SNX14: variants seen among roughly 807,000 people sequenced by gnomAD.
SNX14 encodes the protein sorting nexin-14.
A neutral mutation model predicts 133.8 loss-of-function variants in SNX14; 93 were observed. The ratio of observed to expected loss-of-function variants is 0.70; its 90% CI spans 0.59 to 0.83. The LOEUF (loss-of-function observed/expected upper bound fraction) is 0.83. Among genes scored for constraint, SNX14 ranks in the 40% least tolerant of loss-of-function variants. The pLI is 0.00. For missense variants in SNX14, 945 were observed against 1,094.9 expected (o/e 0.86, Z 1.93); for synonymous variants, 368 against 365.6 (o/e 1.01, Z -0.07).
intron 13 of SNX14, 56 bp downstream of exon 13, chr6:85,543,549 T>G (rs183948921): frequency 7.1e-7 from 1 of 1,414,290 alleles, no homozygotes; most frequent in African/African-American, 1.5e-5. Flanking sequence ...AAACAGAAAA[T>G]AAATGGAAAA....
chr6:85,511,627 T>C (rs1426012996), intron 26 of SNX14, among the ~76,000 whole-genome samples: 1 of 152,262 alleles, frequency 6.6e-6, no homozygotes, highest in African/African-American at 2.4e-5. Context: ...TTTTGTCAAA[T>C]GCTTTTTCTG....
At chr6:85,516,287 C>T (rs887893180) in intron 23 of SNX14, among the ~76,000 whole-genome samples, 2 of 152,058 alleles carry the variant, frequency 1.3e-5, no homozygotes, top group African/African-American at 4.8e-5. Context: ...TAATAAACAC[C>T]TTTACATGTT....
intron 1 of SNX14, among the ~76,000 whole-genome samples, chr6:85,577,728 A>G (rs1296135583): frequency 6.6e-6 from 1 of 152,230 alleles, no homozygotes; most frequent in Non-Finnish European, 1.5e-5. Flanking sequence ...GAATCAAGTA[A>G]TTAGAAGAAT....
intron 23 of SNX14, 96 bp from the exon 24 acceptor site, chr6:85,514,725 A>C (rs929364226): frequency 1.3e-5 from 17 of 1,278,232 alleles, no homozygotes; most frequent in Non-Finnish European, 1.8e-5. Flanking sequence ...AAAGGCATTT[A>C]AACTTTTTCC....
At chr6:85,563,350 C>A (rs1440102572) in intron 6 of SNX14, among the ~76,000 whole-genome samples, 1 of 152,088 alleles carries the variant, frequency 6.6e-6, no homozygotes, top group Non-Finnish European at 1.5e-5. Flanking sequence ...TATATATAGG[C>A]AATGATACAA....
chr6:85,592,662 T>C (rs766773422), intron 1 of SNX14, among the ~76,000 whole-genome samples: 22 of 152,110 alleles, frequency 1.4e-4, no homozygotes, highest in Non-Finnish European at 2.8e-4. Context: ...TCAGGTTTTT[T>C]TGGGGAGGGT....
chr6:85,546,679 A>G (rs1222138853), intron 12 of SNX14, among the ~76,000 whole-genome samples: 1 of 152,082 alleles, frequency 6.6e-6, no homozygotes, highest in East Asian at 1.9e-4. Context: ...AATCAAGTAT[A>G]TGGCCGGGCG....
chr6:85,536,648 G>A, intron 17 of SNX14, 144 bp downstream of exon 17: 1 of 670,248 alleles, frequency 1.5e-6, no homozygotes, highest in African/African-American at 1.8e-5. Context: ...AAATACAAAG[G>A]AAGTCTGAAG....
At chr6:85,555,224 C>T (rs940531836) in intron 7 of SNX14, among the ~76,000 whole-genome samples, 1 of 152,156 alleles carries the variant, frequency 6.6e-6, no homozygotes, top group South Asian at 2.1e-4. Context: ...GGCTTCTTGT[C>T]TTTGTCTTTA....
At chr6:85,581,487 CCAAA>C (rs1799046385) in intron 1 of SNX14, 1 of 152,082 alleles carries the variant, frequency 6.6e-6, no homozygotes, top group Non-Finnish European at 1.5e-5. Flanking sequence ...ACATGGCTCA[CCAAA>C]CAAACTAAAT....
intron 21 of SNX14, among the ~76,000 whole-genome samples, chr6:85,519,730 G>A (rs531871963): frequency 1.4e-4 from 21 of 152,278 alleles, no homozygotes; most frequent in African/African-American, 4.3e-4. Flanking sequence ...TTAGCCGGAC[G>A]TGGTGGCACA....
chr6:85,533,073 T>C (rs1198894685), intron 18 of SNX14, among the ~76,000 whole-genome samples: 2 of 151,976 alleles, frequency 1.3e-5, no homozygotes, highest in East Asian at 3.9e-4. Flanking sequence ...TTTTAGTAGA[T>C]ATAGGGTTTC....
chr6:85,547,033 C>T (rs2128094084), intron 12 of SNX14, 79 bp downstream of exon 12: 2 of 965,098 alleles, frequency 2.1e-6, no homozygotes, highest in Non-Finnish European at 3.1e-6. Flanking sequence ...GGTACCACAA[C>T]ATCAGATCTG....
intron 7 of SNX14, among the ~76,000 whole-genome samples, chr6:85,554,487 A>G (rs937090270): frequency 3.0e-4 from 46 of 152,276 alleles, no homozygotes; most frequent in African/African-American, 1.1e-3. Flanking sequence ...TCACATGTAG[A>G]GCCAAAGAAC....
Position 85,543,688 on chromosome 6 carries a change from T to A in SNX14, c.1181A>T (p.Gln394Leu), listed in dbSNP as rs373334568. 5 of 1,590,130 alleles carry A rather than the reference T, an allele frequency of 3.1e-6. No individual in the cohort carries two copies. The highest frequency in any genetic ancestry group is 1.3e-5 in the African/African-American group (1 of 74,358). Residue 394 changes from glutamine (Q) to leucine (L), a missense_variant, in exon 13 of 29, where the codon CAG (glutamine) becomes CTG (leucine). By Grantham distance (113) the Gln-to-Leu change is moderately radical. Coordinates refer to ENST00000314673, the MANE Select transcript of SNX14 (RefSeq NM_153816.6). ...DEMLSLHEEL[Q>L]KIYKTYCLDE... ...CAAACAGTATGTTTTATAAATCTTC[T>A]GCAATTCTTCATGAAGAGACAGCAT... is the stretch of plus-strand genomic sequence containing the variant.
At chr6:85,543,129 T>C (rs1784326032) in intron 14 of SNX14, 53 bp downstream of exon 14, 1 of 1,407,764 alleles carries the variant, frequency 7.1e-7, no homozygotes, top group Non-Finnish European at 9.4e-7. Context: ...ATATCAAAGC[T>C]ACTATTAAAT....
chr6:85,569,230 G>C (rs763112908), intron 4 of SNX14, among the ~76,000 whole-genome samples: 8 of 152,168 alleles, frequency 5.3e-5, no homozygotes, highest in African/African-American at 1.9e-4. Context: ...CCAAAGTGCT[G>C]GGATTACAGG....
At chr6:85,533,510 G>T in intron 18 of SNX14, 89 bp downstream of exon 18, 2 of 1,249,524 alleles carry the variant, frequency 1.6e-6, no homozygotes, top group Non-Finnish European at 1.1e-6. Flanking sequence ...ATATTTGTTA[G>T]TTAGAAGTGG....
chr6:85,593,600 G>C lies in SNX14; in HGVS notation c.119C>G (p.Ala40Gly). ...LFCFLLLCLSAASLLLNRYIH... is the reference protein window; with the variant it reads ...LFCFLLLCLSGASLLLNRYIH... The stretch of plus-strand genomic sequence containing the variant: ...TTACCTGTTAAGAAGCAGGGAGGCG[G>C]CGCTGAGACAGAGCAGCAGGAAGCA... Residue 40 changes from alanine to glycine, a missense_variant, in exon 1 of 29, where the codon GCC becomes GGC. By Grantham distance (60) the Ala-to-Gly change is moderately conservative. Coordinates refer to ENST00000314673, the MANE Select transcript of SNX14 (RefSeq NM_153816.6). The C allele has an allele frequency of 6.2e-7, 1 of 1,612,664 alleles. No individual in the cohort carries two copies. Among genetic ancestry groups the C allele is most frequent in the Non-Finnish European group, 8.5e-7 (1 of 1,179,622 alleles).
Sources: allele counts gnomAD v4.1 joint callset (sites outside exome capture counted in the v4.1 genomes callset), GRCh38; gene constraint gnomAD v4.1.1; transcripts MANE v1.5; gene names NCBI Gene and HGNC (gene_info 2026-07-23, HGNC 2026-07-21).